Variants in LMO7 observed in about 807,000 individuals in gnomAD.
The protein encoded by LMO7 is LIM domain 7.
LMO7 carries 120 observed loss-of-function variants against 206.5 expected under a neutral mutation model. That is an observed-to-expected ratio of 0.58 (90% CI 0.50 to 0.68). The LOEUF is 0.68. Among genes scored for constraint, LMO7 ranks in the 30% least tolerant of loss-of-function variants. LMO7 has a pLI of 0.00. For synonymous variants in LMO7, 706 were observed against 681.5 expected (o/e 1.04, Z -0.56); for missense variants, 1,959 against 1,957.9 (o/e 1.00, Z -0.01).
intron 3 of LMO7, among the ~76,000 whole-genome samples, chr13:75,743,112 A>T (rs978564095): frequency 6.6e-6 from 1 of 152,112 alleles, no homozygotes. Flanking sequence ...TAGGCATATG[A>T]AAAAAAAGCT....
chr13:75,712,187 G>A (rs919098461), intron 1 of LMO7, among the ~76,000 whole-genome samples: 1 of 152,208 alleles, frequency 6.6e-6, no homozygotes, highest in Admixed American at 6.5e-5. Flanking sequence ...TTGAGCCCTG[G>A]AGCCAACCTG....
At chr13:75,825,687 A>C (rs1156429479) in intron 15 of LMO7, among the ~76,000 whole-genome samples, 1 of 152,208 alleles carries the variant, frequency 6.6e-6, no homozygotes, top group East Asian at 1.9e-4. Context: ...TTTCTGTGCC[A>C]CTAGGGCAGT....
At chr13:75,692,122 G>A (rs2041533830) in intron 1 of LMO7, among the ~76,000 whole-genome samples, 1 of 152,186 alleles carries the variant, frequency 6.6e-6, no homozygotes, top group South Asian at 2.1e-4. Context: ...TGCACAAGCT[G>A]ATACTAAGCC....
chr13:75,797,466 A>G (rs149165633), intron 6 of LMO7, among the ~76,000 whole-genome samples: 270 of 152,326 alleles, frequency 1.8e-3, no homozygotes, highest in African/African-American at 6.3e-3. Flanking sequence ...AGGGATATTT[A>G]TTCAGGGAAA....
chr13:75,817,547 A>G (rs1256128924), intron 12 of LMO7, among the ~76,000 whole-genome samples: 2 of 152,168 alleles, frequency 1.3e-5, no homozygotes, highest in East Asian at 3.8e-4. Flanking sequence ...TCCTTGCAGT[A>G]TAGTGAACTT....
rs539833082 is a variant in LMO7 at position 75,794,270 on chromosome 13, T to G, written c.318-1131T>G. ...TTTAAGTAGTTGTACCAATTTACATTTCCATCAGTAGTGTGAGAGTTCATG... is the reference window on the plus strand; with the variant it reads ...TTTAAGTAGTTGTACCAATTTACATGTCCATCAGTAGTGTGAGAGTTCATG... On this transcript the variant is annotated intron_variant, in intron 4 of 30. Coordinates refer to ENST00000377534, the MANE Select transcript of LMO7 (RefSeq NM_001306080.2). Among the ~76,000 whole-genome samples the G allele has an allele frequency of 3.9e-5, 6 of 152,328 alleles. No homozygotes were observed. The South Asian group carries it at 1.2e-3, about 32-fold the overall frequency.
At chr13:75,681,718 G>GTATATATATA (rs71127572) in intron 1 of LMO7, among the ~76,000 whole-genome samples, 1,816 of 104,034 alleles carry the variant, frequency 0.017, 63 homozygotes, top group Middle Eastern at 0.034. Flanking sequence ...ATATATATAT[G>GTATATATATA]TATATATATA....
chr13:75,742,309 C>T (rs1214960556), intron 3 of LMO7, among the ~76,000 whole-genome samples: 2 of 151,980 alleles, frequency 1.3e-5, no homozygotes, highest in South Asian at 4.1e-4. Flanking sequence ...GCCATACTGC[C>T]CAAAGCAAAT....
At chr13:75,852,620 G>A (rs939571275) in intron 27 of LMO7, among the ~76,000 whole-genome samples, 1 of 152,160 alleles carries the variant, frequency 6.6e-6, no homozygotes, top group Non-Finnish European at 1.5e-5. Flanking sequence ...TCAGTGGTTC[G>A]ACTTAAGATT....
At chr13:75,845,563 A>G (rs2059923194) in intron 26 of LMO7, among the ~76,000 whole-genome samples, 184 bp downstream of exon 26, 1 of 152,210 alleles carries the variant, frequency 6.6e-6, no homozygotes, top group South Asian at 2.1e-4. Context: ...TTTTGGCTTT[A>G]TTTTATATTG....
At chr13:75,827,028 G>T (rs1197566783) in intron 15 of LMO7, among the ~76,000 whole-genome samples, 2 of 152,096 alleles carry the variant, frequency 1.3e-5, no homozygotes, top group Admixed American at 6.6e-5. Context: ...CATGAATCAT[G>T]ATGTCACCCC....
chr13:75,704,072 G>T (rs1343911622), intron 1 of LMO7, among the ~76,000 whole-genome samples: 1 of 152,172 alleles, frequency 6.6e-6, no homozygotes, highest in African/African-American at 2.4e-5. Context: ...TTTCGACAAT[G>T]AAGTTTAATG....
chr13:75,750,661 T>C (rs1308565378), intron 3 of LMO7, among the ~76,000 whole-genome samples: 2 of 152,304 alleles, frequency 1.3e-5, no homozygotes, highest in East Asian at 3.9e-4. Flanking sequence ...CCTCCCAAAG[T>C]GCTGGGATTA....
At chr13:75,792,131 G>A (rs1019146372) in intron 4 of LMO7, among the ~76,000 whole-genome samples, 2 of 152,062 alleles carry the variant, frequency 1.3e-5, no homozygotes, top group Admixed American at 6.5e-5. Flanking sequence ...ACTGTGCCTA[G>A]CTAATTTTTA....
chr13:75,804,370 C>T lies in LMO7; in HGVS notation c.743C>T (p.Ser248Leu), dbSNP rs375012849. ...NKDDMSYRRI[S>L]AVEPKTALPF... ...GATGATATGTCGTATCGAAGGATTT[C>T]GGCTGTTGAGCCAAAGACTGCGTTA... Residue 248 changes from serine to leucine, a missense_variant, in exon 8 of 31, where the codon TCG becomes TTG. Physicochemically the swap from Ser to Leu is moderately radical, Grantham distance 145. Coordinates refer to ENST00000377534, the MANE Select transcript of LMO7 (RefSeq NM_001306080.2). 64 of 1,613,982 alleles carry T rather than the reference C, an allele frequency of 4.0e-5. No homozygotes were observed. Among genetic ancestry groups the T allele is most frequent in the South Asian group, 1.2e-4 (11 of 91,084 alleles).
chr13:75,778,137 T>C (rs1235914585), intron 4 of LMO7, among the ~76,000 whole-genome samples: 1 of 152,236 alleles, frequency 6.6e-6, no homozygotes, highest in Non-Finnish European at 1.5e-5. Flanking sequence ...AAGCTGTCTG[T>C]GGTTGACTTT....
intron 15 of LMO7, among the ~76,000 whole-genome samples, chr13:75,826,337 C>T (rs557156926): frequency 6.6e-6 from 1 of 152,282 alleles, no homozygotes; most frequent in East Asian, 1.9e-4. Flanking sequence ...CCACCACACC[C>T]AGCTGATGTT....
chr13:75,842,073 C>T, intron 24 of LMO7, 90 bp downstream of exon 24: 1 of 927,638 alleles, frequency 1.1e-6, no homozygotes. Context: ...TTTCCTACCA[C>T]CCATTCTCCA....
chr13:75,790,472 G>A (rs571381462), intron 4 of LMO7, among the ~76,000 whole-genome samples: 17 of 152,220 alleles, frequency 1.1e-4, no homozygotes, highest in Middle Eastern at 3.4e-3. Context: ...CCAAAGTCCC[G>A]CACTCAACCA....
Sources: gnomAD v4.1 joint callset for allele counts (sites outside exome capture counted in the v4.1 genomes callset) on GRCh38, gnomAD v4.1.1 for gene constraint, MANE v1.5 for transcripts, NCBI Gene and HGNC (gene_info 2026-07-23, HGNC 2026-07-21) for gene names.